The following ARL17B variants were observed in gnomAD, a reference collection of about 807,000 sequenced individuals.
The protein encoded by ARL17B is ADP-ribosylation factor-like protein 17.
chr17:46,279,268 C>T (rs2049689617), intron 4 of ARL17B, among the ~76,000 whole-genome samples: 1 of 150,846 alleles, frequency 6.6e-6, no homozygotes, highest in Non-Finnish European at 1.5e-5. Context: ...ACTGCAACCT[C>T]CACGTCTCAG....
At chr17:46,278,411 TGTTG>T (rs796405662) in intron 4 of ARL17B, among the ~76,000 whole-genome samples, 8 of 113,034 alleles carry the variant, frequency 7.1e-5, no homozygotes, top group South Asian at 2.4e-4. Context: ...GTTTTTTTTT[TGTTG>T]TTGTTTTAAG....
intron 3 of ARL17B, among the ~76,000 whole-genome samples, chr17:46,309,074 GGTCT>G (rs1439889398): frequency 1.3e-5 from 1 of 79,234 alleles, no homozygotes; most frequent in African/African-American, 3.3e-5. Flanking sequence ...AGGGTTAAAA[GGTCT>G]GTCTATTTTG....
At chr17:46,282,268 AATTTTTTGTTATTTTTAGTAGAG>A (rs1479840934) in intron 4 of ARL17B, among the ~76,000 whole-genome samples, 5 of 151,778 alleles carry the variant, frequency 3.3e-5, no homozygotes, top group Middle Eastern at 3.4e-3. Context: ...ACGCCCGCCT[AATTTTTTGTTATTTTTAGTAGAG>A]ACGGGGTTTC....
chr17:46,277,637 T>TC (rs1555610946), intron 4 of ARL17B, among the ~76,000 whole-genome samples: 10 of 150,246 alleles, frequency 6.7e-5, no homozygotes, highest in Non-Finnish European at 1.5e-4. Flanking sequence ...TTTTCTTTTC[T>TC]TTTCTTTCTT....
At chr17:46,285,846 A>G (rs2049893668) in intron 4 of ARL17B, among the ~76,000 whole-genome samples, 1 of 152,254 alleles carries the variant, frequency 6.6e-6, no homozygotes, top group African/African-American at 2.4e-5. Flanking sequence ...AATGCTTCCA[A>G]AATTATGCCA....
intron 3 of ARL17B, among the ~76,000 whole-genome samples, chr17:46,317,147 G>T (rs1319530464): frequency 3.3e-5 from 3 of 89,696 alleles, no homozygotes; most frequent in Non-Finnish European, 3.2e-5. Context: ...AGATGGGGTG[G>T]CGGCCGGGCA....
In ARL17B at chr17:46,289,136, A is replaced by T. The variant is rs561415189; in HGVS notation, c.*21+10390T>A. On this transcript the variant is annotated intron_variant, in intron 4 of 4. Transcript: ENST00000570618. ...TAGGGACAAACCCATTGTGATTGGC[A>T]TCCACGAACAAATTTGGTGTAAAGA... 1.2e-3 allele frequency among the ~76,000 whole-genome samples: 177 copies of T among 152,246 alleles called. 1 individual carries two copies. Among genetic ancestry groups the T allele is most frequent in the African/African-American group, 4.2e-3 (173 of 41,570 alleles).
intron 4 of ARL17B, among the ~76,000 whole-genome samples, chr17:46,276,361 T>G (rs1229531538): frequency 6.6e-6 from 1 of 152,260 alleles, no homozygotes; most frequent in Non-Finnish European, 1.5e-5. Flanking sequence ...AATAAATTTT[T>G]TACCACTATA....
At chr17:46,324,082 C>T (rs1400757462) in intron 3 of ARL17B, among the ~76,000 whole-genome samples, 4 of 118,858 alleles carry the variant, frequency 3.4e-5, no homozygotes, top group African/African-American at 8.8e-5. Context: ...AGTAGTATTC[C>T]GGTTGTGTGG....
downstream of ARL17B, chr17:46,334,823 T>C (rs575254465): frequency 3.0e-5 from 4 of 133,944 alleles, no homozygotes; most frequent in East Asian, 4.4e-4. Context: ...CATCTTCAGA[T>C]TCAACTAGAT....
At position 46,304,559 on chromosome 17, in the gene ARL17B, T is replaced by C. The variant is rs1411237655; in HGVS notation, c.260-4894A>G. Among the ~76,000 whole-genome samples, 3 of 76,984 alleles carry C rather than the reference T, an allele frequency of 3.9e-5. 1 individual carries two copies. Among genetic ancestry groups the C allele is most frequent in the African/African-American group, 9.9e-5 (3 of 30,388 alleles). The allele number at this position is 76,984 out of a possible 152,430, so 50.5% of individuals were successfully genotyped here. The stretch of plus-strand genomic sequence containing the variant: ...AGTTTAGGTAGGGAGAGACTGGAGA[T>C]GGAGATATCAGCCAGACAACGTTAC... On this transcript the variant is annotated intron_variant, in intron 3 of 4. Coordinates refer to the ARL17B transcript ENST00000434041.
At chr17:46,290,498 G>A (rs140093091) in intron 4 of ARL17B, among the ~76,000 whole-genome samples, 104 of 152,306 alleles carry the variant, frequency 6.8e-4, no homozygotes, top group East Asian at 3.7e-3. Flanking sequence ...TCGCTCTGTC[G>A]TGCAGTGGCA....
chr17:46,279,089 T>C (rs542189004), intron 4 of ARL17B, among the ~76,000 whole-genome samples: 71 of 152,180 alleles, frequency 4.7e-4, no homozygotes, highest in African/African-American at 1.7e-3. Flanking sequence ...TAAGCCACTG[T>C]TCCTGGCCCA....
intron 4 of ARL17B, among the ~76,000 whole-genome samples, chr17:46,282,455 C>A (rs2049794608): frequency 6.6e-6 from 1 of 151,416 alleles, no homozygotes; most frequent in Non-Finnish European, 1.5e-5. Context: ...TGCTGTGTCA[C>A]CCAGGCTGGG....
chr17:46,359,129 A>G (rs2052979729), intron 1 of ARL17B, among the ~76,000 whole-genome samples: 2 of 151,054 alleles, frequency 1.3e-5, no homozygotes, highest in Non-Finnish European at 2.9e-5. Flanking sequence ...TATGCAATAT[A>G]AAACAAAGTC....
Position 46,323,465 on chromosome 17 carries a change from A to T in ARL17B, c.260-23800T>A, listed in dbSNP as rs1215906261. ...AGGCTGCAGTGCAGCGGCATGACCT[A>T]GGCTCACTGCAACCTCCACCTCCCA... On this transcript the variant is annotated intron_variant, in intron 3 of 4. Coordinates refer to the ARL17B transcript ENST00000434041. Among the ~76,000 whole-genome samples the T allele has an allele frequency of 2.0e-5, 2 of 97,956 alleles. 1 individual carries two copies. The highest frequency in any genetic ancestry group is 2.1e-4 in the Admixed American group (2 of 9,700). 64.3% of individuals were successfully genotyped at this position (97,956 alleles called of 152,430 possible).
intron 3 of ARL17B, among the ~76,000 whole-genome samples, chr17:46,317,181 G>GA (rs1368872848): frequency 2.4e-5 from 2 of 84,928 alleles, no homozygotes; most frequent in Admixed American, 1.2e-4. Context: ...CATCCCAGAC[G>GA]GGCATGCCCA....
intron 4 of ARL17B, among the ~76,000 whole-genome samples, chr17:46,289,248 A>T (rs1316394607): frequency 1.3e-5 from 2 of 152,044 alleles, no homozygotes; most frequent in African/African-American, 2.4e-5. Flanking sequence ...AGTGACATAA[A>T]CACGGCTTGC....
At chr17:46,279,504 T>TC (rs1555611320) in intron 4 of ARL17B, among the ~76,000 whole-genome samples, 2 of 110,144 alleles carry the variant, frequency 1.8e-5, no homozygotes, top group Non-Finnish European at 4.6e-5. Flanking sequence ...TTCTTTCTTT[T>TC]TTTTTTTTTT....
Sources: allele counts gnomAD v4.1 joint callset (sites outside exome capture counted in the v4.1 genomes callset), GRCh38; gene constraint gnomAD v4.1.1; transcripts MANE v1.5; gene names NCBI Gene and HGNC (gene_info 2026-07-23, HGNC 2026-07-21).